XRCC1: variants seen among roughly 807,000 people sequenced by gnomAD.
XRCC1 encodes DNA repair protein XRCC1.
Under a neutral mutation model 83.3 loss-of-function variants are expected in XRCC1, and 52 were observed. The ratio of observed to expected loss-of-function variants is 0.62; its 90% CI spans 0.50 to 0.79. The LOEUF (loss-of-function observed/expected upper bound fraction) is 0.79, where lower values mean the gene tolerates loss of function less well. Ranked by LOEUF, XRCC1 falls within the 30% of genes least tolerant of loss-of-function variation. The pLI is 0.00. For missense variants in XRCC1, 793 were observed against 823.5 expected, an observed-to-expected ratio of 0.96 and a Z score of 0.45; for synonymous variants, 281 against 312.6, an observed-to-expected ratio of 0.90 and a Z score of 1.07.
chr19:43,551,430 C>T (rs2139720), intron 10 of XRCC1, 141 bp downstream of exon 10: 154,609 of 713,160 alleles, frequency 0.22, 17,909 homozygotes, highest in Non-Finnish European at 0.24. Context: ...CCAGCCCCTG[C>T]CCCGCTCCTC....
intron 3 of XRCC1, among the ~76,000 whole-genome samples, chr19:43,557,842 G>C (rs1049738946): frequency 6.6e-6 from 1 of 150,688 alleles, no homozygotes; most frequent in Non-Finnish European, 1.5e-5. Context: ...GGAAGGAGGG[G>C]AGGGAGAATG....
At chr19:43,551,506 C>A in intron 10 of XRCC1, 65 bp downstream of exon 10, 2 of 1,414,490 alleles carry the variant, frequency 1.4e-6, no homozygotes, top group East Asian at 2.3e-5. Flanking sequence ...CAGTCTGACT[C>A]CCCTCCAGAT....
chr19:43,573,233 A>G (rs898822949), intron 2 of XRCC1, among the ~76,000 whole-genome samples: 1 of 152,058 alleles, frequency 6.6e-6, no homozygotes, highest in African/African-American at 2.4e-5. Flanking sequence ...GCATTCTTAT[A>G]AGAATTTGTG....
chr19:43,546,895 G>A lies in XRCC1; in HGVS notation c.1282C>T (p.Leu428Phe), dbSNP rs750290319. The change falls in exon 11 of 17, where the codon CTT becomes TTT. Residue 428 changes from leucine to phenylalanine, a missense_variant. Coordinates refer to ENST00000262887, the MANE Select transcript of XRCC1 (RefSeq NM_006297.3). ...SGGSGDEAPKLPQKQPQTKTK... is the reference protein window; with the variant it reads ...SGGSGDEAPKFPQKQPQTKTK... The stretch of plus-strand genomic sequence containing the variant: ...AGGGGGCATCAGACCTTCTGAGGAA[G>A]CTTGGGGGCTTCATCTCCGCTGCCA... 4 of 1,613,882 alleles carry A rather than the reference G, an allele frequency of 2.5e-6. No individual in the cohort carries two copies. In the African/African-American group the frequency reaches 4.0e-5, roughly 16 times the overall value.
intron 3 of XRCC1, among the ~76,000 whole-genome samples, chr19:43,557,331 A>G (rs1183978385): frequency 7.0e-6 from 1 of 143,392 alleles, no homozygotes; most frequent in Non-Finnish European, 1.5e-5. Context: ...AAAAAAAAAA[A>G]GATGAATGCA....
intron 2 of XRCC1, among the ~76,000 whole-genome samples, chr19:43,574,372 G>A (rs1465751902): frequency 6.6e-6 from 1 of 151,896 alleles, no homozygotes; most frequent in Non-Finnish European, 1.5e-5. Context: ...CACCATACCT[G>A]GCTATTATTC....
chr19:43,566,697 G>A (rs3213290), intron 2 of XRCC1, among the ~76,000 whole-genome samples: 1,873 of 151,506 alleles, frequency 0.012, 20 homozygotes, highest in Middle Eastern at 0.045. Context: ...TGGGCAACAC[G>A]GCGAAACCCC....
rs1972700752 is a variant in XRCC1, at chr19:43,561,678, A to C, written c.145-658T>G. ...GTCAGTGCTAGACAACTATTTGTTG[A>C]AAGAAGAAAAGAGCTACCTATAGGA... On this transcript the variant is annotated intron_variant, in intron 2 of 16. Coordinates refer to ENST00000262887, the MANE Select transcript of XRCC1 (RefSeq NM_006297.3). Among the ~76,000 whole-genome samples the C allele has an allele frequency of 2.0e-5, 3 of 152,318 alleles. No homozygotes were observed. The South Asian group carries it at 6.2e-4, about 32-fold the overall frequency.
chr19:43,559,104 G>C (rs1972669008), intron 3 of XRCC1, among the ~76,000 whole-genome samples: 1 of 151,920 alleles, frequency 6.6e-6, no homozygotes, highest in Admixed American at 6.6e-5. Context: ...TCATGCCACT[G>C]CACTCCAGCC....
intron 2 of XRCC1, chr19:43,574,407 T>TA (rs1483374387): frequency 1.3e-5 from 2 of 152,364 alleles, no homozygotes; most frequent in African/African-American, 4.8e-5. Context: ...TTTATTTTAA[T>TA]AAAAATAGAG....
In XRCC1 at chr19:43,545,899, G is replaced by A. The variant is rs1972503520; in HGVS notation, c.1540C>T (p.Pro514Ser). 1.2e-6 allele frequency: 2 copies of A among 1,613,988 alleles called. No homozygotes were observed. Among genetic ancestry groups the A allele is most frequent in the Non-Finnish European group, 1.7e-6 (2 of 1,179,928 alleles). ...TTCTCATCCGTGGAGCCTGCATACG[G>A]GTCTTCCCCATTCTCCTCCTGGCCA... ...PPGQEENGED[P>S]YAGSTDENTD... The change falls in exon 14 of 17, where the codon CCG becomes TCG. Residue 514 changes from proline to serine, a missense_variant. Physicochemically the swap from Pro to Ser is moderately conservative, Grantham distance 74 (BLOSUM62 -1). Transcript: ENST00000262887.
chr19:43,553,332 C>A, intron 6 of XRCC1, 69 bp downstream of exon 6: 1 of 1,552,420 alleles, frequency 6.4e-7, no homozygotes, highest in Non-Finnish European at 8.9e-7. Context: ...CCCCAGCCCC[C>A]TCTACCCTCA....
intron 2 of XRCC1, among the ~76,000 whole-genome samples, chr19:43,563,570 T>G (rs901351434): frequency 1.3e-5 from 2 of 152,074 alleles, no homozygotes; most frequent in South Asian, 4.2e-4. Context: ...CTTGGTGACT[T>G]TCCACCAGCC....
At position 43,544,215 on chromosome 19, in the gene XRCC1, G is replaced by C; in HGVS notation, c.1641C>G (p.His547Gln). The change falls in exon 15 of 17, where the codon CAC becomes CAG. Residue 547 changes from histidine (H) to glutamine (Q), a missense_variant. By Grantham distance (24) the His-to-Gln change is conservative. Coordinates refer to ENST00000262887, the MANE Select transcript of XRCC1 (RefSeq NM_006297.3). ...CAGGGAACTCCCCGTAAAGAAAGAA[G>C]TGCTTGCCCTGGAAGAAATCTGCAG... Reference protein sequence around the residue: ...PELPDFFQGKHFFLYGEFPGD... With the variant: ...PELPDFFQGKQFFLYGEFPGD... 16 of 1,610,426 alleles carry C rather than the reference G, an allele frequency of 9.9e-6. No individual in the cohort carries two copies. The highest frequency in any genetic ancestry group is 1.4e-5 in the Non-Finnish European group (16 of 1,178,364).
chr19:43,563,386 G>T (rs1972720391), intron 2 of XRCC1, among the ~76,000 whole-genome samples: 1 of 152,160 alleles, frequency 6.6e-6, no homozygotes, highest in Non-Finnish European at 1.5e-5. Context: ...CCAGATACTG[G>T]GGAGGCTGAG....
intron 10 of XRCC1, among the ~76,000 whole-genome samples, chr19:43,548,775 A>AAAAAAAAAAAC (rs1568512403): frequency 4.8e-5 from 6 of 126,196 alleles, no homozygotes; most frequent in Non-Finnish European, 8.4e-5. Flanking sequence ...TCAAAAAAAA[A>AAAAAAAAAAAC]AAAAAAAAAA....
At chr19:43,553,128 T>G (rs1361362766) in intron 6 of XRCC1, 37 bp from the exon 7 acceptor site, 1 of 1,540,460 alleles carries the variant, frequency 6.5e-7, no homozygotes, top group East Asian at 2.4e-5. Flanking sequence ...ATGAGAGGGC[T>G]GAGCCCCAAG....
At chr19:43,571,641 C>A (rs544277666) in intron 2 of XRCC1, among the ~76,000 whole-genome samples, 1 of 152,302 alleles carries the variant, frequency 6.6e-6, no homozygotes. Context: ...GTAGCTGGGA[C>A]CACAGGCATA....
In XRCC1 at chr19:43,558,917, A is replaced by C. The variant is rs1972666898; in HGVS notation, c.255+1993T>G. Reference sequence around the variant, plus strand: ...TTTGGGAGGCCAAGGTGGGAGGATCACTTTAAGCTCAGGAGTTCAAGACCA... The same window carrying C: ...TTTGGGAGGCCAAGGTGGGAGGATCCCTTTAAGCTCAGGAGTTCAAGACCA... On this transcript the variant is annotated intron_variant, in intron 3 of 16. Transcript: ENST00000262887. Among the ~76,000 whole-genome samples, 4 of 151,580 alleles carry C rather than the reference A, an allele frequency of 2.6e-5. No homozygotes were observed. In the South Asian group the frequency reaches 8.3e-4, roughly 32 times the overall value.
Sources: allele counts gnomAD v4.1 joint callset (sites outside exome capture counted in the v4.1 genomes callset), GRCh38; gene constraint gnomAD v4.1.1; transcripts MANE v1.5; gene names NCBI Gene and HGNC (gene_info 2026-07-23, HGNC 2026-07-21).